Variants in ST6GAL1 observed in about 807,000 individuals in gnomAD.
ST6GAL1 encodes the protein ST6 beta-galactoside alpha-2,6-sialyltransferase 1, also known as beta-galactoside alpha-2,6-sialyltransferase 1.
A neutral mutation model predicts 38.0 loss-of-function variants in ST6GAL1; 20 were observed. The observed-to-expected ratio is 0.53, with a 90% confidence interval of 0.37 to 0.77. ST6GAL1 has a LOEUF of 0.77. Among genes scored for constraint, ST6GAL1 ranks in the 30% least tolerant of loss-of-function variants. The pLI is 0.00. For synonymous variants in ST6GAL1, 196 were observed against 188.2 expected (o/e 1.04, Z -0.34); for missense variants, 432 against 496.4 (o/e 0.87, Z 1.23).
chr3:186,935,862 T>C (rs945621528), intron 1 of ST6GAL1, among the ~76,000 whole-genome samples: 1 of 151,820 alleles, frequency 6.6e-6, no homozygotes, highest in Non-Finnish European at 1.5e-5. Flanking sequence ...GTGAAGTTTG[T>C]GTGACTCTAA....
At position 186,952,902 on chromosome 3, in the gene ST6GAL1, C is replaced by T. The variant is rs1157861548; in HGVS notation, c.-324-10883C>T. Among the ~76,000 whole-genome samples the T allele has an allele frequency of 6.6e-6, 1 of 152,212 alleles. No individual in the cohort carries two copies. Among genetic ancestry groups the T allele is most frequent in the Non-Finnish European group, 1.5e-5 (1 of 68,034 alleles). On this transcript the variant is annotated intron_variant, in intron 1 of 7. Coordinates refer to ENST00000169298, the MANE Select transcript of ST6GAL1 (RefSeq NM_173216.2). This position sits in a 1 kb window ranked among gnomAD's most constrained non-coding sequence, Gnocchi z 4.1. ...GAGCCATCCTCATTTCAGTGGACAA[C>T]AATTTCATCTTTCCATCTTTTAGGG...
In ST6GAL1 at chr3:187,077,021, C is replaced by G. The variant is rs1719587616; in HGVS notation, c.*1218C>G. 2 of 398,468 alleles carry G rather than the reference C, an allele frequency of 5.0e-6. No homozygotes were observed. The highest frequency in any genetic ancestry group is 8.8e-5 in the Admixed American group (2 of 22,688). The allele number at this position is 398,468 out of a possible 1,614,324, so 24.7% of individuals were successfully genotyped here. A position where few individuals can be genotyped will look rare whatever the true frequency, so the allele number is the denominator to read the frequency against. On this transcript the variant is annotated 3_prime_UTR_variant, in exon 8 of 8. Transcript: ENST00000169298. ...TTTTTGCTTTAAAAGCATCCTGACC[C>G]CAATTTCTTTGAGCTCACGGGCCTT... is the stretch of plus-strand genomic sequence containing the variant.
chr3:187,050,560 G>GAGAGAGAGAGAGAGAC (rs371144529), intron 4 of ST6GAL1, among the ~76,000 whole-genome samples: 36 of 149,706 alleles, frequency 2.4e-4, no homozygotes, highest in African/African-American at 7.4e-4. Flanking sequence ...GAGAGAGAGA[G>GAGAGAGAGAGAGAGAC]GGAGGGAGGG....
chr3:186,956,103 C>G (rs1312580164), intron 1 of ST6GAL1, among the ~76,000 whole-genome samples: 2 of 152,068 alleles, frequency 1.3e-5, no homozygotes, highest in Non-Finnish European at 2.9e-5. Context: ...CTGGCCTTCC[C>G]CCTGCACCCA....
intron 2 of ST6GAL1, chr3:186,996,572 AC>A (rs2108549589): frequency 6.6e-6 from 1 of 152,298 alleles, no homozygotes; most frequent in African/African-American, 2.4e-5. Flanking sequence ...CCAAGAACTT[AC>A]GGCACACCTG....
chr3:186,961,099 C>T (rs1250746847), intron 1 of ST6GAL1, among the ~76,000 whole-genome samples: 1 of 151,928 alleles, frequency 6.6e-6, no homozygotes, highest in Non-Finnish European at 1.5e-5. Flanking sequence ...GCCTTGGCTT[C>T]CTAGAAACTG....
chr3:187,024,491 TATAGAGAGAGAG>T (rs1250049841), intron 2 of ST6GAL1, among the ~76,000 whole-genome samples: 11 of 105,300 alleles, frequency 1.0e-4, no homozygotes, highest in South Asian at 3.2e-4. Context: ...TATATATATA[TATAGAGAGAGAG>T]AGAGAGAGAG....
chr3:187,002,898 G>A (rs1057250972), intron 2 of ST6GAL1, among the ~76,000 whole-genome samples: 1 of 152,146 alleles, frequency 6.6e-6, no homozygotes, highest in Admixed American at 6.5e-5. Flanking sequence ...AATGCAAGAA[G>A]CAAGTTTAAT....
At position 187,074,191 on chromosome 3, in the gene ST6GAL1, C is replaced by T. The variant is rs2228452; in HGVS notation, c.837C>T (p.Asn279=). 0.012 allele frequency: 19,319 copies of T among 1,608,002 alleles called. 1,861 individuals carry two copies. The African/African-American group carries it at 0.21, about 18-fold the overall frequency. ...WYQNPDYNFF[N]NYKTYRKLHP... is the part of the protein sequence containing the mutation. ...AGAATCCGGATTATAATTTCTTTAA[C>T]AACTACAAGACTTATCGTAAGCTGC... The change falls in exon 7 of 8, where the codon AAC becomes AAT. Residue 279 remains asparagine (N), a synonymous_variant. Transcript: ENST00000169298.
intron 1 of ST6GAL1, among the ~76,000 whole-genome samples, chr3:186,942,861 CCCAG>C (rs1332970978): frequency 1.3e-5 from 2 of 152,140 alleles, no homozygotes; most frequent in Admixed American, 1.3e-4. Context: ...CACCACTACG[CCCAG>C]CTAATTTTTG....
At chr3:187,018,268 C>T (rs770615703) in intron 2 of ST6GAL1, among the ~76,000 whole-genome samples, 1 of 151,994 alleles carries the variant, frequency 6.6e-6, no homozygotes, top group Non-Finnish European at 1.5e-5. Context: ...TAGTTAGGGG[C>T]TGTTGGGGGT....
intron 5 of ST6GAL1, among the ~76,000 whole-genome samples, chr3:187,056,947 C>T (rs1262269594): frequency 2.0e-5 from 3 of 152,152 alleles, no homozygotes; most frequent in East Asian, 1.9e-4. Flanking sequence ...ACCAGTGAAA[C>T]GTAGATTTGG....
At chr3:187,061,752 A>G (rs978751498) in intron 5 of ST6GAL1, among the ~76,000 whole-genome samples, 2 of 152,210 alleles carry the variant, frequency 1.3e-5, no homozygotes, top group Non-Finnish European at 2.9e-5. Flanking sequence ...GTAGACCAAA[A>G]ACTATAAAAC....
intron 2 of ST6GAL1, among the ~76,000 whole-genome samples, chr3:187,019,534 A>G (rs544486690): frequency 2.0e-5 from 3 of 152,212 alleles, no homozygotes; most frequent in Non-Finnish European, 4.4e-5. Flanking sequence ...ACAGTAATTT[A>G]CAGCAATAAC....
Position 187,012,350 on chromosome 3 carries a change from C to G in ST6GAL1, c.-182-26392C>G, listed in dbSNP as rs994465129. Among the ~76,000 whole-genome samples the G allele has an allele frequency of 8.5e-5, 13 of 152,210 alleles. No homozygotes were observed. In the South Asian group the frequency reaches 2.7e-3, roughly 32 times the overall value. ...TCGGCTCACTGCAAGCTCCGCCCCCCAGGTTCAAGTGATTCTCCTGCCTCA... is the reference window on the plus strand; with the variant it reads ...TCGGCTCACTGCAAGCTCCGCCCCCGAGGTTCAAGTGATTCTCCTGCCTCA... On this transcript the variant is annotated intron_variant, in intron 2 of 7. Transcript: ENST00000169298.
chr3:186,993,048 C>T (rs1055615177), intron 2 of ST6GAL1, among the ~76,000 whole-genome samples: 9 of 152,106 alleles, frequency 5.9e-5, no homozygotes, highest in African/African-American at 1.9e-4. Context: ...CCTCCCATCA[C>T]TCCCCTCCTC....
intron 2 of ST6GAL1, among the ~76,000 whole-genome samples, chr3:186,980,088 G>A (rs78949521): frequency 6.6e-6 from 1 of 152,132 alleles, no homozygotes; most frequent in Non-Finnish European, 1.5e-5. Context: ...TAAAACAAAC[G>A]ATGATGGAAT....
At chr3:187,030,198 G>A (rs1434478386) in intron 2 of ST6GAL1, among the ~76,000 whole-genome samples, 1 of 152,154 alleles carries the variant, frequency 6.6e-6, no homozygotes, top group Non-Finnish European at 1.5e-5. Flanking sequence ...TTTTGGGTGG[G>A]GGAGAAGATG....
intron 2 of ST6GAL1, among the ~76,000 whole-genome samples, chr3:186,970,587 C>G (rs1306540271): frequency 6.7e-6 from 1 of 149,542 alleles, no homozygotes; most frequent in Non-Finnish European, 1.5e-5. Context: ...TCACCCTGCC[C>G]CCACCTCTGT....
Sources: gnomAD v4.1 joint callset for allele counts (sites outside exome capture counted in the v4.1 genomes callset) on GRCh38, gnomAD v4.1.1 for gene constraint, Gnocchi (gnomAD v3.1) non-coding constraint, MANE v1.5 for transcripts, NCBI Gene and HGNC (gene_info 2026-07-23, HGNC 2026-07-21) for gene names.